ERP27: variants seen among roughly 807,000 people sequenced by gnomAD.
The protein encoded by ERP27 is endoplasmic reticulum protein 27, also known as endoplasmic reticulum resident protein 27.
Under a neutral mutation model 27.7 loss-of-function variants are expected in ERP27, and 23 were observed. The observed-to-expected ratio is 0.83, with a 90% confidence interval of 0.60 to 1.18. The LOEUF is 1.18. Among genes scored for constraint, ERP27 ranks in the 50% most tolerant of loss-of-function variants. The pLI is 0.00. For synonymous variants in ERP27, 159 were observed against 118.3 expected (o/e 1.34, Z -2.23); for missense variants, 363 against 327.9 (o/e 1.11, Z -0.83).
intron 3 of ERP27, among the ~76,000 whole-genome samples, chr12:14,925,061 T>G (rs1014313163): frequency 1.3e-5 from 2 of 152,196 alleles, no homozygotes; most frequent in Non-Finnish European, 2.9e-5. Flanking sequence ...ACCAAAAAAA[T>G]GGACAACCAG....
chr12:14,928,867 G>C, intron 3 of ERP27: 1 of 1,435,386 alleles, frequency 7.0e-7, no homozygotes, highest in Non-Finnish European at 9.5e-7. Context: ...ATATCAAGAC[G>C]AATGAGTAAA....
intron 4 of ERP27, among the ~76,000 whole-genome samples, chr12:14,920,307 C>T (rs552222377): frequency 2.0e-5 from 3 of 152,238 alleles, no homozygotes; most frequent in Admixed American, 2.0e-4. Flanking sequence ...AGGGTGTAGG[C>T]ACTTGCTAGT....
chr12:14,928,961 C>G, intron 3 of ERP27: 1 of 1,535,256 alleles, frequency 6.5e-7, no homozygotes, highest in Non-Finnish European at 8.7e-7. Context: ...TTCCAGCTGG[C>G]AAGTCTCCTT....
chr12:14,933,483 G>A (rs1372427188), intron 3 of ERP27, among the ~76,000 whole-genome samples: 2 of 152,240 alleles, frequency 1.3e-5, no homozygotes, highest in African/African-American at 2.4e-5. Flanking sequence ...AGTTTTAATG[G>A]TGTGATGGGG....
At chr12:14,934,793 A>G in intron 3 of ERP27, 63 bp downstream of exon 3, 1 of 1,594,376 alleles carries the variant, frequency 6.3e-7, no homozygotes, top group Non-Finnish European at 8.6e-7. Context: ...CAGTCTCACA[A>G]GTTTATGAGT....
chr12:14,936,511 A>T (rs1424309171), intron 2 of ERP27, among the ~76,000 whole-genome samples: 1 of 152,192 alleles, frequency 6.6e-6, no homozygotes, highest in Non-Finnish European at 1.5e-5. Flanking sequence ...CCCAGGCTGA[A>T]GGAGGAGATG....
intron 3 of ERP27, among the ~76,000 whole-genome samples, chr12:14,934,567 A>G (rs1863746835): frequency 6.6e-6 from 1 of 152,202 alleles, no homozygotes; most frequent in African/African-American, 2.4e-5. Context: ...TATAAAGGAA[A>G]GAATTGGAGA....
intron 3 of ERP27, among the ~76,000 whole-genome samples, chr12:14,934,281 T>C (rs4764136): frequency 0.36 from 54,817 of 151,934 alleles, 10,063 homozygotes; most frequent in Middle Eastern, 0.42. Context: ...TCCCACACTG[T>C]TTCTATCCTT....
rs1863397502 is a variant in ERP27 at position 14,915,602 on chromosome 12, C to T, written c.661G>A (p.Ala221Thr). The T allele has an allele frequency of 6.2e-7, 1 of 1,614,214 alleles. No homozygotes were observed. Among genetic ancestry groups the T allele is most frequent in the Non-Finnish European group, 8.5e-7 (1 of 1,180,032 alleles). Residue 221 changes from alanine (A) to threonine (T), a missense_variant, in exon 6 of 7, where the codon GCT (alanine) becomes ACT (threonine). Ala to Thr is a moderately conservative substitution (Grantham distance 58). Transcript: ENST00000266397. ...TCTAGAGTCTGGTAAATTGCCAAAG[C>T]TGGCAGTTGAGACTCCTTTAGTTTG... ...FFKLKESQLP[A>T]LAIYQTLDDE...
intron 4 of ERP27, among the ~76,000 whole-genome samples, chr12:14,918,701 A>G (rs1166339083): frequency 6.6e-6 from 1 of 152,130 alleles, no homozygotes; most frequent in Non-Finnish European, 1.5e-5. Flanking sequence ...ATTCTTCCTG[A>G]TTTTTTACAC....
chr12:14,929,150 T>A (rs1202433409), intron 3 of ERP27: 1 of 1,417,602 alleles, frequency 7.1e-7, no homozygotes, highest in South Asian at 1.6e-5. Flanking sequence ...CCCCCCTCCC[T>A]GTACTCTTTT....
chr12:14,928,198 TC>T (rs1863636558), intron 3 of ERP27, among the ~76,000 whole-genome samples: 1 of 152,152 alleles, frequency 6.6e-6, no homozygotes, highest in Non-Finnish European at 1.5e-5. Context: ...TTGCCTTGGA[TC>T]AGAACCACCC....
At chr12:14,914,808 T>C (rs1373794650) in intron 6 of ERP27, 26 bp from the exon 7 acceptor site, 4 of 1,590,972 alleles carry the variant, frequency 2.5e-6, no homozygotes, top group Non-Finnish European at 3.4e-6. Context: ...ACAATGATAT[T>C]TAGATTAGTA....
At chr12:14,920,810 A>T (rs903675158) in intron 4 of ERP27, 122 bp downstream of exon 4, 4 of 706,480 alleles carry the variant, frequency 5.7e-6, no homozygotes, top group African/African-American at 5.4e-5. Context: ...AGTAACATAA[A>T]CAATACAGTA....
chr12:14,925,983 C>T (rs1008780075), intron 3 of ERP27, among the ~76,000 whole-genome samples: 4 of 151,770 alleles, frequency 2.6e-5, no homozygotes, highest in African/African-American at 9.7e-5. Flanking sequence ...GCAGGAGAAT[C>T]GCTTGAACCT....
intron 3 of ERP27, among the ~76,000 whole-genome samples, chr12:14,931,437 G>A (rs1863695582): frequency 2.0e-5 from 3 of 150,226 alleles, no homozygotes. Context: ...AGTTTTGAAA[G>A]TGTAAACTGT....
intron 3 of ERP27, among the ~76,000 whole-genome samples, chr12:14,921,382 G>C (rs1268676158): frequency 1.3e-5 from 2 of 152,210 alleles, no homozygotes; most frequent in Non-Finnish European, 2.9e-5. Flanking sequence ...GCTTTAAATA[G>C]AGAACAGCAT....
rs1198826589 is a variant in ERP27 at position 14,914,679 on chromosome 12, T to G, written c.*56A>C. ...TTTAGTGTCTCTGAGATTTGAGTTG[T>G]GCCTTTTTACTTTGCATAAAGTAGA... On this transcript the variant is annotated 3_prime_UTR_variant, in exon 7 of 7. Coordinates refer to ENST00000266397, the MANE Select transcript of ERP27 (RefSeq NM_152321.4). 7 of 1,522,420 alleles carry G rather than the reference T, an allele frequency of 4.6e-6. No individual in the cohort carries two copies. Among genetic ancestry groups the G allele is most frequent in the Non-Finnish European group, 6.3e-6 (7 of 1,105,828 alleles). The allele number at this position is 1,522,420 out of a possible 1,614,324, so 94.3% of individuals were successfully genotyped here.
chr12:14,920,729 G>A (rs949758057), intron 4 of ERP27, among the ~76,000 whole-genome samples: 1 of 152,138 alleles, frequency 6.6e-6, no homozygotes, highest in Non-Finnish European at 1.5e-5. Context: ...CAGTGTGATA[G>A]TTCATTTAAC....
Sources: gnomAD v4.1 joint callset for allele counts (sites outside exome capture counted in the v4.1 genomes callset) on GRCh38, gnomAD v4.1.1 for gene constraint, MANE v1.5 for transcripts, NCBI Gene and HGNC (gene_info 2026-07-23, HGNC 2026-07-21) for gene names.